The following ADGRV1 variants were observed in gnomAD, a reference collection of about 807,000 sequenced individuals.
The protein encoded by ADGRV1 is adhesion G protein-coupled receptor V1, also known as G-protein coupled receptor 98.
Under a neutral mutation model 596.2 loss-of-function variants are expected in ADGRV1, and 359 were observed. The ratio of observed to expected loss-of-function variants is 0.60; its 90% CI spans 0.55 to 0.66. The LOEUF (loss-of-function observed/expected upper bound fraction) is 0.66, where lower values mean the gene tolerates loss of function less well. Among genes scored for constraint, ADGRV1 ranks in the 30% least tolerant of loss-of-function variants. The pLI is 0.00. For synonymous variants in ADGRV1, 2,681 were observed against 2,679.2 expected (o/e 1.00, Z -0.02); for missense variants, 7,274 against 7,575.6 (o/e 0.96, Z 1.48).
At chr5:90,798,790 G>A (rs924659607) in intron 70 of ADGRV1, among the ~76,000 whole-genome samples, 1 of 152,168 alleles carries the variant, frequency 6.6e-6, no homozygotes, top group Non-Finnish European at 1.5e-5. Context: ...ATCATTAAAA[G>A]TAATCCATCA....
intron 85 of ADGRV1, among the ~76,000 whole-genome samples, chr5:91,028,998 A>C (rs1287615452): frequency 1.3e-5 from 2 of 152,060 alleles, no homozygotes; most frequent in Non-Finnish European, 2.9e-5. Flanking sequence ...GGCTTCCAAA[A>C]GTGGTAGAAT....
chr5:91,078,903 T>G (rs1279161225), intron 86 of ADGRV1, among the ~76,000 whole-genome samples: 1 of 152,234 alleles, frequency 6.6e-6, no homozygotes, highest in Non-Finnish European at 1.5e-5. Flanking sequence ...AGCTGAAACA[T>G]TCTGGTGTTT....
At chr5:91,004,747 T>C (rs1033832909) in intron 85 of ADGRV1, among the ~76,000 whole-genome samples, 1 of 152,130 alleles carries the variant, frequency 6.6e-6, no homozygotes, top group Non-Finnish European at 1.5e-5. Flanking sequence ...TGGAAAACAC[T>C]GGGGCTTCAG....
chr5:91,122,004 T>C (rs1444737115), intron 87 of ADGRV1, among the ~76,000 whole-genome samples: 1 of 152,148 alleles, frequency 6.6e-6, no homozygotes, highest in Non-Finnish European at 1.5e-5. Context: ...TAACTTGTTA[T>C]TGAACTTCAA....
At chr5:90,688,537 A>G (rs1746013335) in intron 29 of ADGRV1, among the ~76,000 whole-genome samples, 1 of 151,978 alleles carries the variant, frequency 6.6e-6, no homozygotes, top group African/African-American at 2.4e-5. Flanking sequence ...TGTATTTTTT[A>G]GTAGAGATGG....
At chr5:90,692,063 A>G (rs1746546280) in intron 31 of ADGRV1, among the ~76,000 whole-genome samples, 1 of 152,188 alleles carries the variant, frequency 6.6e-6, no homozygotes, top group Admixed American at 6.5e-5. Context: ...TTTATTTTGA[A>G]TGCTAATTGT....
intron 87 of ADGRV1, among the ~76,000 whole-genome samples, chr5:91,106,872 G>A (rs984039971): frequency 6.6e-6 from 1 of 152,202 alleles, no homozygotes; most frequent in African/African-American, 2.4e-5. Context: ...GTTAATGAGT[G>A]ATCAGAGAGC....
At chr5:90,783,462 G>T in intron 66 of ADGRV1, 137 bp downstream of exon 66, 1 of 672,494 alleles carries the variant, frequency 1.5e-6, no homozygotes, top group Non-Finnish European at 2.6e-6. Context: ...TACTTTTGGG[G>T]TACTAGGGGT....
At chr5:90,992,642 A>C (rs1288931031) in intron 85 of ADGRV1, among the ~76,000 whole-genome samples, 1 of 152,256 alleles carries the variant, frequency 6.6e-6, no homozygotes, top group Non-Finnish European at 1.5e-5. Context: ...CTTTGTGTAG[A>C]ATAGGAAGCT....
intron 24 of ADGRV1, 128 bp from the exon 25 acceptor site, chr5:90,675,949 GTCT>G (rs1408580761): frequency 2.1e-5 from 13 of 614,516 alleles, no homozygotes; most frequent in Middle Eastern, 9.2e-4. Context: ...TATTTTACTT[GTCT>G]TCTTAGCATT....
intron 11 of ADGRV1, among the ~76,000 whole-genome samples, chr5:90,638,354 AT>A (rs1766516906): frequency 6.6e-6 from 1 of 152,108 alleles, no homozygotes; most frequent in African/African-American, 2.4e-5. Context: ...AAAAGAAAAC[AT>A]TAATCTTCAT....
At chr5:90,720,274 A>G (rs1750742358) in intron 44 of ADGRV1, 51 bp downstream of exon 44, 1 of 1,159,406 alleles carries the variant, frequency 8.6e-7, no homozygotes, top group East Asian at 2.5e-5. Context: ...TAAGTAGGGA[A>G]TATTTTTTGA....
intron 85 of ADGRV1, among the ~76,000 whole-genome samples, chr5:91,070,776 A>C (rs568600192): frequency 5.2e-4 from 79 of 152,318 alleles, no homozygotes; most frequent in African/African-American, 1.8e-3. Context: ...CTCTGGTAAT[A>C]ATAAATATAA....
chr5:90,963,954 G>A (rs2150962119), intron 83 of ADGRV1, among the ~76,000 whole-genome samples: 1 of 151,478 alleles, frequency 6.6e-6, no homozygotes, highest in Admixed American at 6.6e-5. Flanking sequence ...TAGCATGTTG[G>A]GTCTTATGTA....
chr5:90,725,756 G>A, intron 48 of ADGRV1, 100 bp downstream of exon 48: 1 of 701,246 alleles, frequency 1.4e-6, no homozygotes, highest in Non-Finnish European at 2.4e-6. Flanking sequence ...TAGTATAAAA[G>A]AAAACCAAAA....
intron 81 of ADGRV1, 41 bp from the exon 82 acceptor site, chr5:90,855,700 T>C (rs776264853): frequency 4.1e-6 from 6 of 1,452,770 alleles, no homozygotes; most frequent in Non-Finnish European, 5.6e-6. Context: ...ACCTTCAGTA[T>C]TGATGAAAGA....
At chr5:90,895,397 A>T (rs1194200402) in intron 83 of ADGRV1, among the ~76,000 whole-genome samples, 3 of 152,196 alleles carry the variant, frequency 2.0e-5, no homozygotes, top group African/African-American at 7.2e-5. Flanking sequence ...CTGACATGTG[A>T]ATTGAGAAGA....
In ADGRV1 at chr5:90,637,788, C is replaced by G. The variant is rs1766413537; in HGVS notation, c.2080C>G (p.Pro694Ala). The change falls in exon 11 of 90, where the codon CCC becomes GCC. Residue 694 changes from proline (P) to alanine (A), a missense_variant. Pro to Ala is a conservative substitution (Grantham distance 27). This residue lies in a region of ADGRV1 where 1,715 missense variants were observed against 1,708.8 expected (regional missense o/e 1.00). Transcript: ENST00000405460. Reference sequence around the variant, plus strand: ...GGCTACTGTCTACTGGAGTTTGAAGCCCTCTGGCTTTAATTCAAAAGCAGT... The same window carrying G: ...GGCTACTGTCTACTGGAGTTTGAAGGCCTCTGGCTTTAATTCAAAAGCAGT... ...GQATVYWSLKPSGFNSKAVTP... is the reference protein window; with the variant it reads ...GQATVYWSLKASGFNSKAVTP... 6.2e-7 allele frequency: 1 copy of G among 1,613,508 alleles called. No homozygotes were observed. The highest frequency in any genetic ancestry group is 8.5e-7 in the Non-Finnish European group (1 of 1,179,694).
chr5:91,111,743 A>G (rs541935218), intron 87 of ADGRV1, among the ~76,000 whole-genome samples: 2 of 152,302 alleles, frequency 1.3e-5, no homozygotes, highest in East Asian at 3.9e-4. Context: ...AAAACCCTGG[A>G]ATAAACATGT....
Sources: gnomAD v4.1 joint callset for allele counts (sites outside exome capture counted in the v4.1 genomes callset) on GRCh38, gnomAD v4.1.1 for gene constraint, gnomAD v4.1.1 regional missense constraint, MANE v1.5 for transcripts, NCBI Gene and HGNC (gene_info 2026-07-23, HGNC 2026-07-21) for gene names.